The following DOCK1 variants were observed in gnomAD, a reference collection of about 807,000 sequenced individuals.
DOCK1 encodes the protein dedicator of cytokinesis protein 1.
A neutral mutation model predicts 262.7 loss-of-function variants in DOCK1; 138 were observed. The ratio of observed to expected loss-of-function variants is 0.53; its 90% CI spans 0.46 to 0.61. The LOEUF is 0.61. Among genes scored for constraint, DOCK1 ranks in the 20% least tolerant of loss-of-function variants. The pLI is 0.00. For missense variants in DOCK1, 1,908 were observed against 2,370.7 expected (o/e 0.80, Z 4.05); for synonymous variants, 866 against 867.4 (o/e 1.00, Z 0.03).
chr10:126,981,346 G>T (rs980735166), intron 3 of DOCK1, among the ~76,000 whole-genome samples: 4 of 152,228 alleles, frequency 2.6e-5, no homozygotes, highest in Admixed American at 1.3e-4. Context: ...GGGCTCACAT[G>T]TGCATTGCAC....
intron 29 of DOCK1, among the ~76,000 whole-genome samples, chr10:127,308,036 T>C (rs933542166): frequency 1.5e-4 from 23 of 152,218 alleles, no homozygotes; most frequent in Non-Finnish European, 2.9e-5. Context: ...GCTGTCAGGC[T>C]TCTTTCTGCT....
At chr10:127,230,050 C>A (rs1472223926) in intron 27 of DOCK1, among the ~76,000 whole-genome samples, 1 of 152,160 alleles carries the variant, frequency 6.6e-6, no homozygotes, top group East Asian at 1.9e-4. Flanking sequence ...CCAGTGATCA[C>A]CTTAGCCACA....
rs1033705927 is a variant in DOCK1 at position 127,389,524 on chromosome 10, A to T, written c.3927+4615A>T. Among the ~76,000 whole-genome samples, 7 of 152,158 alleles carry T rather than the reference A, an allele frequency of 4.6e-5. No individual in the cohort carries two copies. The East Asian group carries it at 1.2e-3, about 25-fold the overall frequency. Reference sequence around the variant, plus strand: ...TGGGCAGGTGACACAGCCCAAGGAAACTTGAAGGAGGGCCTTGATTGGTGT... The same window carrying T: ...TGGGCAGGTGACACAGCCCAAGGAATCTTGAAGGAGGGCCTTGATTGGTGT... On this transcript the variant is annotated intron_variant, in intron 38 of 51. Transcript: ENST00000623213.
chr10:127,015,576 G>A (rs2041810088), intron 12 of DOCK1, among the ~76,000 whole-genome samples: 2 of 151,892 alleles, frequency 1.3e-5, no homozygotes, highest in Non-Finnish European at 2.9e-5. Context: ...TTCAAGGAAC[G>A]GTGCCCCCGG....
chr10:127,415,364 CCCATAACCA>C, intron 44 of DOCK1, 126 bp downstream of exon 44: 1 of 809,534 alleles, frequency 1.2e-6, no homozygotes, highest in Non-Finnish European at 2.0e-6. Context: ...CTCTACAGTT[CCCATAACCA>C]CCCCACCTGT....
chr10:127,197,454 G>T (rs1198032443), intron 27 of DOCK1, among the ~76,000 whole-genome samples: 1 of 152,164 alleles, frequency 6.6e-6, no homozygotes, highest in Non-Finnish European at 1.5e-5. Context: ...TGCCTGTCAG[G>T]CCCTGGGGTC....
chr10:127,347,208 T>C (rs1455757340), intron 31 of DOCK1, among the ~76,000 whole-genome samples: 1 of 152,246 alleles, frequency 6.6e-6, no homozygotes, highest in African/African-American at 2.4e-5. Flanking sequence ...TGTTTAAAAT[T>C]GTCCGCATAA....
intron 23 of DOCK1, among the ~76,000 whole-genome samples, chr10:127,097,354 C>T (rs1247328865): frequency 2.0e-5 from 3 of 152,216 alleles, no homozygotes; most frequent in African/African-American, 7.2e-5. Flanking sequence ...GGACACTCAG[C>T]AGCCTGCCTG....
At chr10:127,429,025 GTGTGGATTGGGGTGTCA>G (rs796192728) in intron 47 of DOCK1, among the ~76,000 whole-genome samples, 101 of 145,380 alleles carry the variant, frequency 6.9e-4, no homozygotes, top group Non-Finnish European at 1.1e-3. Flanking sequence ...TTGGGGTGCC[GTGTGGATTGGGGTGTCA>G]TGTGGATTGG....
intron 1 of DOCK1, among the ~76,000 whole-genome samples, chr10:126,927,689 G>A (rs1358777523): frequency 6.6e-6 from 1 of 152,042 alleles, no homozygotes; most frequent in Non-Finnish European, 1.5e-5. Context: ...CGCCCACCTC[G>A]GCCTCCCAAA....
intron 1 of DOCK1, among the ~76,000 whole-genome samples, chr10:126,933,511 GT>G (rs2034335681): frequency 6.6e-6 from 1 of 152,276 alleles, no homozygotes; most frequent in East Asian, 1.9e-4. Flanking sequence ...TACTTCCTGG[GT>G]TTTGCATGTG....
At chr10:126,945,078 C>T (rs1215937948) in intron 1 of DOCK1, among the ~76,000 whole-genome samples, 1 of 152,030 alleles carries the variant, frequency 6.6e-6, no homozygotes, top group Non-Finnish European at 1.5e-5. Context: ...ACTTTGTGAT[C>T]CGCCTGCCTC....
At chr10:127,126,501 C>T (rs932981300) in intron 26 of DOCK1, among the ~76,000 whole-genome samples, 1 of 152,082 alleles carries the variant, frequency 6.6e-6, no homozygotes, top group Non-Finnish European at 1.5e-5. Flanking sequence ...GAAGCCAAGG[C>T]AGGAGGATCG....
chr10:127,416,556 T>G (rs1397355017), intron 44 of DOCK1, among the ~76,000 whole-genome samples: 1 of 152,086 alleles, frequency 6.6e-6, no homozygotes, highest in Admixed American at 6.5e-5. Flanking sequence ...TTGAACAGAC[T>G]AAGAGGGCAG....
chr10:127,197,994 C>T (rs546197575), intron 27 of DOCK1, among the ~76,000 whole-genome samples: 4 of 152,176 alleles, frequency 2.6e-5, no homozygotes, highest in South Asian at 2.1e-4. Flanking sequence ...ATGCCCAGGA[C>T]GGGAGTCCTG....
chr10:127,406,385 G>A (rs879594491), intron 40 of DOCK1, among the ~76,000 whole-genome samples: 5 of 152,178 alleles, frequency 3.3e-5, no homozygotes, highest in Non-Finnish European at 7.3e-5. Context: ...ACCACCAAAA[G>A]GACAAAATGA....
At chr10:127,367,056 C>A (rs1353941878) in intron 33 of DOCK1, among the ~76,000 whole-genome samples, 4 of 152,140 alleles carry the variant, frequency 2.6e-5, no homozygotes, top group East Asian at 1.9e-4. Flanking sequence ...TTTACTCTTA[C>A]AATTGGAGTA....
intron 27 of DOCK1, among the ~76,000 whole-genome samples, chr10:127,216,360 A>G (rs984995480): frequency 3.3e-5 from 5 of 152,012 alleles, no homozygotes; most frequent in African/African-American, 1.2e-4. Flanking sequence ...AACCAACCTG[A>G]AAGCGCAGGA....
chr10:127,331,458 T>A (rs998191909), intron 29 of DOCK1, among the ~76,000 whole-genome samples: 3 of 152,088 alleles, frequency 2.0e-5, no homozygotes, highest in African/African-American at 7.2e-5. Flanking sequence ...ATTTTTGTAT[T>A]TTTAGTAGAG....
Sources: allele counts gnomAD v4.1 joint callset (sites outside exome capture counted in the v4.1 genomes callset), GRCh38; gene constraint gnomAD v4.1.1; transcripts MANE v1.5; gene names NCBI Gene and HGNC (gene_info 2026-07-23, HGNC 2026-07-21).